The following CCDC102B variants were observed in gnomAD, a reference collection of about 807,000 sequenced individuals.
The protein encoded by CCDC102B is coiled-coil domain containing 102B.
A neutral mutation model predicts 57.4 loss-of-function variants in CCDC102B; 75 were observed. The observed-to-expected ratio is 1.31, with a 90% confidence interval of 1.08 to 1.58. The LOEUF is 1.58. Ranked by LOEUF, CCDC102B falls within the 40% of genes most tolerant of loss-of-function variation. The probability of loss-of-function intolerance (pLI) is 0.00; values close to 1 mark genes in which losing one functional copy is unlikely to be tolerated. For synonymous variants in CCDC102B, 206 were observed against 201.9 expected (o/e 1.02, Z -0.17); for missense variants, 636 against 582.6 (o/e 1.09, Z -0.94).
chr18:68,825,076 G>A (rs1255011359), intron 1 of CCDC102B, among the ~76,000 whole-genome samples: 2 of 152,008 alleles, frequency 1.3e-5, no homozygotes, highest in East Asian at 3.9e-4. Flanking sequence ...TTCATTGTTA[G>A]ATGCCAAATA....
chr18:68,867,487 G>T (rs1169258699), intron 4 of CCDC102B, among the ~76,000 whole-genome samples: 4 of 152,162 alleles, frequency 2.6e-5, no homozygotes, highest in African/African-American at 9.7e-5. Context: ...GGCTGGGGGT[G>T]AGACTTTTGG....
chr18:68,881,345 CAT>C (rs2039686923), intron 5 of CCDC102B, among the ~76,000 whole-genome samples: 5 of 152,172 alleles, frequency 3.3e-5, no homozygotes, highest in Admixed American at 1.3e-4. Flanking sequence ...TTGTAGGTCT[CAT>C]GTGCCTTGTA....
intron 1 of CCDC102B, among the ~76,000 whole-genome samples, chr18:68,803,546 A>G (rs1424173430): frequency 2.0e-5 from 3 of 152,200 alleles, no homozygotes; most frequent in East Asian, 3.9e-4. Flanking sequence ...AGGAAATCAC[A>G]TGTGCTAAAG....
rs2050167244 is a variant in CCDC102B, at chr18:68,966,432, C to T, written c.1264-44502C>T. Among the ~76,000 whole-genome samples the T allele has an allele frequency of 2.0e-5, 3 of 152,050 alleles. No homozygotes were observed. In the South Asian group the frequency reaches 6.2e-4, roughly 31 times the overall value. On this transcript the variant is annotated intron_variant, in intron 6 of 7. Coordinates refer to ENST00000360242, the MANE Select transcript of CCDC102B (RefSeq NM_024781.3). ...CAAGAGATCAGTGTGTGAGTTAGTG[C>T]TGTTTGAATCAGGAGTTAGGCAGGG...
At chr18:68,875,025 T>C in intron 5 of CCDC102B, 1 of 291,662 alleles carries the variant, frequency 3.4e-6, no homozygotes, top group Non-Finnish European at 6.5e-6. Context: ...AACTATCTTA[T>C]AGCCAATACA....
chr18:68,760,821 A>C (rs1447834632), intron 2 of CCDC102B, among the ~76,000 whole-genome samples: 1 of 152,110 alleles, frequency 6.6e-6, no homozygotes, highest in Non-Finnish European at 1.5e-5. Flanking sequence ...TGCAGCAAGA[A>C]GGATAACAGC....
chr18:69,049,383 T>C lies in CCDC102B; in HGVS notation c.1435-4647T>C, dbSNP rs2052648187. Among the ~76,000 whole-genome samples the C allele has an allele frequency of 2.0e-5, 3 of 152,290 alleles. No individual in the cohort carries two copies. The South Asian group carries it at 6.2e-4, about 32-fold the overall frequency. ...AAGGACATGAATTCATCCTTTTTTTTTCTTAACATGCAATTTTAATAAATA... is the reference window on the plus strand; with the variant it reads ...AAGGACATGAATTCATCCTTTTTTTCTCTTAACATGCAATTTTAATAAATA... On this transcript the variant is annotated intron_variant, in intron 7 of 7. Transcript: ENST00000360242.
chr18:68,765,382 G>GAAAGAAAGA (rs2034431786), intron 2 of CCDC102B, among the ~76,000 whole-genome samples: 1 of 125,204 alleles, frequency 8.0e-6, no homozygotes, highest in African/African-American at 3.2e-5. Context: ...AGAAAGAAAA[G>GAAAGAAAGA]AAAGAAAGAA....
chr18:68,922,377 T>G (rs2041312497), intron 6 of CCDC102B, among the ~76,000 whole-genome samples: 1 of 152,152 alleles, frequency 6.6e-6, no homozygotes, highest in African/African-American at 2.4e-5. Flanking sequence ...TTGAACTTGT[T>G]TTGGATCAGT....
chr18:68,893,690 A>G (rs1193157658), intron 5 of CCDC102B, among the ~76,000 whole-genome samples: 1 of 152,128 alleles, frequency 6.6e-6, no homozygotes, highest in Non-Finnish European at 1.5e-5. Context: ...TAATGATTAC[A>G]ATTGTCAGTA....
intron 6 of CCDC102B, among the ~76,000 whole-genome samples, chr18:68,954,524 G>A (rs1420693154): frequency 1.3e-5 from 2 of 152,092 alleles, no homozygotes. Flanking sequence ...GTTTAAAAGG[G>A]GTTTTGTATT....
intron 7 of CCDC102B, among the ~76,000 whole-genome samples, chr18:69,042,849 C>T (rs2052466517): frequency 6.6e-6 from 1 of 152,078 alleles, no homozygotes; most frequent in African/African-American, 2.4e-5. Context: ...AAATGCTGTT[C>T]CTTGAAGGGG....
intron 2 of CCDC102B, among the ~76,000 whole-genome samples, chr18:68,784,294 G>T (rs111593983): frequency 0.024 from 3,655 of 151,358 alleles, 140 homozygotes; most frequent in African/African-American, 0.085. Context: ...GTCTCACATG[G>T]TGGGAGCAGG....
At chr18:68,766,350 A>C (rs568024332) in intron 2 of CCDC102B, among the ~76,000 whole-genome samples, 1 of 152,288 alleles carries the variant, frequency 6.6e-6, no homozygotes, top group African/African-American at 2.4e-5. Context: ...CATCTGACCC[A>C]GTGATATGTC....
At chr18:68,800,002 AATC>A (rs1290135729) in intron 1 of CCDC102B, among the ~76,000 whole-genome samples, 4 of 152,076 alleles carry the variant, frequency 2.6e-5, no homozygotes, top group African/African-American at 9.6e-5. Context: ...TCTTTACCAT[AATC>A]ATCATCATCA....
intron 1 of CCDC102B, among the ~76,000 whole-genome samples, chr18:68,806,928 A>G (rs369411097): frequency 5.3e-5 from 8 of 152,298 alleles, no homozygotes; most frequent in East Asian, 3.9e-4. Context: ...TACATCTGAT[A>G]GGTGACTACC....
intron 4 of CCDC102B, among the ~76,000 whole-genome samples, chr18:68,869,419 G>A (rs540308113): frequency 2.3e-4 from 35 of 152,334 alleles, no homozygotes; most frequent in Middle Eastern, 3.4e-3. Flanking sequence ...AAGGAGTCAA[G>A]TAAGGGCAGA....
At position 68,771,611 on chromosome 18, in the gene CCDC102B, C is replaced by G. The variant is rs559647500; in HGVS notation, c.-66-51755C>G. Among the ~76,000 whole-genome samples the G allele has an allele frequency of 1.2e-4, 18 of 152,308 alleles. No homozygotes were observed. In the South Asian group the frequency reaches 3.1e-3, roughly 26 times the overall value. On this transcript the variant is annotated intron_variant, in intron 2 of 3. Coordinates refer to the CCDC102B transcript ENST00000578970. ...TTGGAGAAATCTTGGGACCACTTCTCTGTAAGCGAGGAGCGGTAAGGGCTA... is the reference window on the plus strand; with the variant it reads ...TTGGAGAAATCTTGGGACCACTTCTGTGTAAGCGAGGAGCGGTAAGGGCTA...
chr18:68,827,611 A>C lies in CCDC102B; in HGVS notation c.-15-9138A>C, dbSNP rs191194345. Among the ~76,000 whole-genome samples the C allele has an allele frequency of 1.1e-4, 16 of 152,206 alleles. No homozygotes were observed. The East Asian group carries it at 3.1e-3, about 29-fold the overall frequency. On this transcript the variant is annotated intron_variant, in intron 1 of 7. Transcript: ENST00000360242. ...ACGAGAAAGAGAGGACACAAAGAAA[A>C]CAAATTATAAAATGGCAGATATAAG...
Sources: allele counts gnomAD v4.1 joint callset (sites outside exome capture counted in the v4.1 genomes callset), GRCh38; gene constraint gnomAD v4.1.1; transcripts MANE v1.5; gene names NCBI Gene and HGNC (gene_info 2026-07-23, HGNC 2026-07-21).